The following HMGXB4 variants were observed in gnomAD, a reference collection of about 807,000 sequenced individuals.
The protein encoded by HMGXB4 is HMG-box containing 4, also known as HMG domain-containing protein 4.
A neutral mutation model predicts 63.9 loss-of-function variants in HMGXB4; 27 were observed. The ratio of observed to expected loss-of-function variants is 0.42; its 90% CI spans 0.31 to 0.58. The LOEUF is 0.58. HMGXB4 is among the 20% of genes least tolerant of loss of function. The probability of loss-of-function intolerance (pLI) is 0.13; values close to 1 mark genes in which losing one functional copy is unlikely to be tolerated. For missense variants in HMGXB4, 624 were observed against 700.7 expected, an observed-to-expected ratio of 0.89 and a Z score of 1.24; for synonymous variants, 264 against 265.3, an observed-to-expected ratio of 0.99 and a Z score of 0.05.
At chr22:35,242,779 C>T in the HMGXB4 span, among the ~76,000 whole-genome samples, 4 of 152,036 alleles carry the variant, frequency 2.6e-5, no homozygotes, top group African/African-American at 7.3e-5. Flanking sequence ...CCTCTCGGCC[C>T]GCCTTTAGCT....
chr22:35,265,638 A>T (rs1923191487), intron 5 of HMGXB4, 35 bp downstream of exon 5: 1 of 1,490,532 alleles, frequency 6.7e-7, no homozygotes, highest in Admixed American at 2.5e-5. Flanking sequence ...GGGGTAAGAG[A>T]TTAAGCAGGT....
chr22:35,291,185 C>T (rs1195162580), intron 9 of HMGXB4, among the ~76,000 whole-genome samples: 1 of 152,094 alleles, frequency 6.6e-6, no homozygotes, highest in Non-Finnish European at 1.5e-5. Context: ...ATCGCTTGAA[C>T]CGGGAGGTGG....
intron 5 of HMGXB4, among the ~76,000 whole-genome samples, chr22:35,271,437 GAGA>G (rs920742581): frequency 1.3e-5 from 2 of 152,296 alleles, no homozygotes; most frequent in East Asian, 1.9e-4. Flanking sequence ...GCTGGTTTGG[GAGA>G]AGAAGATAAG....
intron 10 of HMGXB4, 114 bp from the exon 11 acceptor site, chr22:35,293,493 C>T (rs913791152): frequency 5.8e-5 from 42 of 727,688 alleles, no homozygotes; most frequent in Admixed American, 2.9e-4. Context: ...TTCATTCTCA[C>T]CTGTTTTTCT....
intron 5 of HMGXB4, among the ~76,000 whole-genome samples, chr22:35,272,788 G>A (rs922957006): frequency 2.6e-5 from 4 of 152,152 alleles, no homozygotes; most frequent in African/African-American, 9.7e-5. Flanking sequence ...ACAAAAATTA[G>A]CCAGGCGTGG....
chr22:35,279,955 C>T (rs1214701957), intron 5 of HMGXB4, among the ~76,000 whole-genome samples: 1 of 152,074 alleles, frequency 6.6e-6, no homozygotes, highest in African/African-American at 2.4e-5. Context: ...TCAATACTGC[C>T]TTGTCCATTC....
At position 35,263,188 on chromosome 22, in the gene HMGXB4, G is replaced by T. The variant is rs763094582; in HGVS notation, c.142G>T (p.Ala48Ser). The change falls in exon 3 of 11, where the codon GCT becomes TCT. Residue 48 changes from alanine (A) to serine (S), a missense_variant. Physicochemically the swap from Ala to Ser is moderately conservative, Grantham distance 99. This residue lies in a region of HMGXB4 where 472 missense variants were observed against 470.6 expected (regional missense o/e 1.00). Coordinates refer to ENST00000216106, the MANE Select transcript of HMGXB4 (RefSeq NM_001003681.3). ...KDFLREEEEI[A>S]AQVRNSSKKK... ...TTTTTTAAGGGAAGAGGAAGAAATT[G>T]CTGCTCAGGTCAGGAATTCTTCCAA... 6.2e-7 allele frequency: 1 copy of T among 1,614,054 alleles called. No individual in the cohort carries two copies. Among genetic ancestry groups the T allele is most frequent in the Non-Finnish European group, 8.5e-7 (1 of 1,179,990 alleles).
Position 35,292,985 on chromosome 22 carries a change from T to G in HMGXB4, c.1639-7T>G. On this transcript the variant is annotated splice_polypyrimidine_tract_variant and splice_region_variant and intron_variant, in intron 9 of 10. Coordinates refer to ENST00000216106, the MANE Select transcript of HMGXB4 (RefSeq NM_001003681.3). Reference sequence around the variant, plus strand: ...TGACTCAAGCAACAACCTCCTCTCCTTTTCAGGGTATGGTGGCTGTGTCTG... The same window carrying G: ...TGACTCAAGCAACAACCTCCTCTCCGTTTCAGGGTATGGTGGCTGTGTCTG... The G allele has an allele frequency of 6.2e-7, 1 of 1,614,220 alleles. No homozygotes were observed. Among genetic ancestry groups the G allele is most frequent in the Middle Eastern group, 1.6e-4 (1 of 6,062 alleles).
At chr22:35,243,242 C>T in the HMGXB4 span, among the ~76,000 whole-genome samples, 19 of 152,134 alleles carry the variant, frequency 1.2e-4, no homozygotes, top group African/African-American at 2.4e-4. Context: ...TGGTGGCGCA[C>T]ACCAGTAATC....
intron 5 of HMGXB4, among the ~76,000 whole-genome samples, chr22:35,282,308 C>G (rs1924302106): frequency 6.6e-6 from 1 of 152,160 alleles, no homozygotes; most frequent in African/African-American, 2.4e-5. Context: ...TCCCGAGTAG[C>G]TGGGACTACA....
intron 1 of HMGXB4, among the ~76,000 whole-genome samples, chr22:35,261,579 A>C (rs1273600986): frequency 6.6e-6 from 1 of 152,224 alleles, no homozygotes; most frequent in Non-Finnish European, 1.5e-5. Context: ...CATTTAAATT[A>C]TAGCAATTCT....
chr22:35,290,549 T>A (rs990454902), intron 9 of HMGXB4, among the ~76,000 whole-genome samples: 6 of 144,542 alleles, frequency 4.2e-5, no homozygotes, highest in Non-Finnish European at 5.9e-5. Flanking sequence ...GAGAATGGCG[T>A]GAACCCAGGA....
At chr22:35,270,631 A>T (rs1923549235) in intron 5 of HMGXB4, among the ~76,000 whole-genome samples, 1 of 152,212 alleles carries the variant, frequency 6.6e-6, no homozygotes, top group Admixed American at 6.5e-5. Context: ...AGTCTAAGAA[A>T]TATCTCTTCA....
chr22:35,263,365 C>A, intron 3 of HMGXB4, 139 bp downstream of exon 3: 1 of 677,842 alleles, frequency 1.5e-6, no homozygotes, highest in Non-Finnish European at 2.4e-6. Context: ...CTCACTGCAA[C>A]CTTCGACTCC....
chr22:35,284,173 G>C, intron 6 of HMGXB4, 130 bp downstream of exon 6: 1 of 645,930 alleles, frequency 1.5e-6, no homozygotes, highest in Non-Finnish European at 2.7e-6. Flanking sequence ...AATCACTTTA[G>C]ATTTTGCCTT....
intron 9 of HMGXB4, 85 bp downstream of exon 9, chr22:35,288,492 T>TGTATTGA (rs1924731125): frequency 1.9e-6 from 2 of 1,060,682 alleles, no homozygotes; most frequent in Non-Finnish European, 2.6e-6. Flanking sequence ...TTTACATACA[T>TGTATTGA]GTATTGAGCA....
rs1363473949 is a variant in HMGXB4 at position 35,265,360 on chromosome 22, G to A, written c.972G>A (p.Lys324=). 5 of 1,613,746 alleles carry A rather than the reference G, an allele frequency of 3.1e-6. No homozygotes were observed. The African/African-American group carries it at 5.3e-5, about 17-fold the overall frequency. Residue 324 remains lysine (K), a synonymous_variant, in exon 5 of 11, where the codon AAG becomes AAA. Coordinates refer to ENST00000216106, the MANE Select transcript of HMGXB4 (RefSeq NM_001003681.3). The part of the protein sequence containing the change: ...REIKKKKKSK[K]SKKKKDKEKH... ...TCAAGAAGAAAAAGAAGTCAAAGAA[G>A]AGCAAAAAGAAGAAAGACAAGGAGA... is the stretch of plus-strand genomic sequence containing the variant.
chr22:35,255,387 C>T (rs1186708211), upstream of HMGXB4, among the ~76,000 whole-genome samples: 3 of 151,924 alleles, frequency 2.0e-5, no homozygotes, highest in Non-Finnish European at 2.9e-5. Flanking sequence ...TGGTGGCATG[C>T]ACCTGTGGTC....
At chr22:35,275,491 G>A (rs1479539244) in intron 5 of HMGXB4, among the ~76,000 whole-genome samples, 1 of 152,146 alleles carries the variant, frequency 6.6e-6, no homozygotes, top group Non-Finnish European at 1.5e-5. Context: ...CTTTAAAACA[G>A]GGTCTTAAAC....
Sources: allele counts gnomAD v4.1 joint callset (sites outside exome capture counted in the v4.1 genomes callset), GRCh38; gene constraint gnomAD v4.1.1; regional missense constraint gnomAD v4.1.1; transcripts MANE v1.5; gene names NCBI Gene and HGNC (gene_info 2026-07-23, HGNC 2026-07-21).